Variants in COL5A2 observed in about 807,000 individuals in gnomAD.
COL5A2 encodes the protein collagen alpha-2(V) chain.
COL5A2 carries 23 observed loss-of-function variants against 208.2 expected under a neutral mutation model. The ratio of observed to expected loss-of-function variants is 0.11; its 90% confidence interval spans 0.08 to 0.16. The LOEUF is 0.16. Among genes scored for constraint, COL5A2 ranks in the 10% least tolerant of loss-of-function variants. The probability of loss-of-function intolerance (pLI) is 1.00; values close to 1 mark genes in which losing one functional copy is unlikely to be tolerated. For missense variants in COL5A2, 1,590 were observed against 1,956.4 expected (o/e 0.81, Z 3.53); for synonymous variants, 625 against 628.5 (o/e 0.99, Z 0.08).
intron 1 of COL5A2, among the ~76,000 whole-genome samples, chr2:189,116,108 G>A (rs1286268142): frequency 3.3e-5 from 5 of 152,146 alleles, no homozygotes; most frequent in South Asian, 2.1e-4. Context: ...TGAAGATCTG[G>A]GCTACCATTA....
the COL5A2 span, among the ~76,000 whole-genome samples, chr2:189,274,735 C>T: frequency 6.6e-6 from 1 of 151,782 alleles, no homozygotes; most frequent in East Asian, 1.9e-4. Context: ...ATTACCATTT[C>T]ATGCCAAAGA....
At chr2:189,128,029 T>C (rs1687642206) in intron 1 of COL5A2, among the ~76,000 whole-genome samples, 1 of 151,932 alleles carries the variant, frequency 6.6e-6, no homozygotes, top group Non-Finnish European at 1.5e-5. Flanking sequence ...GCAAGATAAA[T>C]TTTTCTGAGT....
intron 45 of COL5A2, among the ~76,000 whole-genome samples, chr2:189,047,576 CA>C (rs1438505729): frequency 1.3e-5 from 2 of 152,122 alleles, no homozygotes; most frequent in Non-Finnish European, 2.9e-5. Context: ...CTTAGGGAAA[CA>C]ATATTCCAAA....
chr2:189,290,975 CA>C, the COL5A2 span, among the ~76,000 whole-genome samples: 1 of 152,042 alleles, frequency 6.6e-6, no homozygotes, highest in African/African-American at 2.4e-5. Flanking sequence ...TTCTTGGAGA[CA>C]GGCATATATT....
rs3914568 is a variant in COL5A2, at chr2:189,212,236, C to A, written c.-42+12912G>T. Among the ~76,000 whole-genome samples the A allele has an allele frequency of 5.2e-3, 789 of 152,270 alleles. 7 individuals carry two copies. The highest frequency in any genetic ancestry group is 8.7e-3 in the South Asian group (42 of 4,826). ...ATTGCTTCCACTGCCACCTCTATAC[C>A]TTGAGATGCTACCGAGCTTACTGGA... is the stretch of plus-strand genomic sequence containing the variant. On this transcript the variant is annotated intron_variant, in intron 1 of 10. Transcript: ENST00000649966.
At chr2:189,113,670 T>C (rs1333619615) in intron 1 of COL5A2, among the ~76,000 whole-genome samples, 3 of 149,136 alleles carry the variant, frequency 2.0e-5, no homozygotes, top group Admixed American at 1.3e-4. Context: ...GAAGGAGCCA[T>C]AGAGAACAGG....
At chr2:189,419,861 TGAGAG>T in the COL5A2 span, among the ~76,000 whole-genome samples, 6 of 105,614 alleles carry the variant, frequency 5.7e-5, no homozygotes, top group South Asian at 1.7e-3. Flanking sequence ...GGAAAAGAGG[TGAGAG>T]GAGAGGAGGA....
intron 3 of COL5A2, among the ~76,000 whole-genome samples, chr2:189,101,019 G>A (rs1036305438): frequency 4.0e-5 from 6 of 151,810 alleles, no homozygotes; most frequent in African/African-American, 1.2e-4. Flanking sequence ...ATTTGTCTTC[G>A]AACAGATTTT....
chr2:189,433,147 A>G, the COL5A2 span, among the ~76,000 whole-genome samples: 1 of 152,160 alleles, frequency 6.6e-6, no homozygotes, highest in Non-Finnish European at 1.5e-5. Flanking sequence ...AACAAAGATA[A>G]AACGTACCAG....
At chr2:189,097,666 A>G (rs938665686) in intron 5 of COL5A2, 1 of 509,590 alleles carries the variant, frequency 2.0e-6, no homozygotes. Flanking sequence ...TTTGCCACTA[A>G]ACTCTGAGCA....
At chr2:189,099,106 G>A (rs995505755) in intron 4 of COL5A2, among the ~76,000 whole-genome samples, 2 of 152,212 alleles carry the variant, frequency 1.3e-5, no homozygotes, top group South Asian at 2.1e-4. Context: ...TAAAATGGTA[G>A]TGATGATTAG....
At chr2:189,054,270 C>G in intron 35 of COL5A2, 58 bp from the exon 36 acceptor site, 3 of 1,206,834 alleles carry the variant, frequency 2.5e-6, no homozygotes, top group Non-Finnish European at 3.7e-6. Flanking sequence ...AATCTTCATG[C>G]TTAGCAAATC....
At chr2:189,043,405 A>C in intron 47 of COL5A2, 147 bp from the exon 48 acceptor site, 1 of 573,934 alleles carries the variant, frequency 1.7e-6, no homozygotes, top group Non-Finnish European at 3.0e-6. Flanking sequence ...TTATCTAAAA[A>C]TAGTATTAGA....
At chr2:189,411,564 T>C in the COL5A2 span, among the ~76,000 whole-genome samples, 1 of 152,182 alleles carries the variant, frequency 6.6e-6, no homozygotes, top group Admixed American at 6.6e-5. Context: ...AATTCAGATG[T>C]CGGTAGACTT....
chr2:189,081,319 A>G (rs73978833), intron 12 of COL5A2, among the ~76,000 whole-genome samples: 10 of 152,294 alleles, frequency 6.6e-5, no homozygotes, highest in African/African-American at 2.4e-4. Context: ...TTTTCACATG[A>G]TATCACTGTG....
At chr2:189,438,750 G>C in the COL5A2 span, among the ~76,000 whole-genome samples, 7 of 152,278 alleles carry the variant, frequency 4.6e-5, no homozygotes, top group East Asian at 1.2e-3. Context: ...TGGTGGATAC[G>C]ATAATTTGTG....
chr2:189,156,100 T>C (rs1175554311), intron 1 of COL5A2, among the ~76,000 whole-genome samples: 1 of 152,196 alleles, frequency 6.6e-6, no homozygotes, highest in East Asian at 1.9e-4. Context: ...ATCTGTATTT[T>C]AAAATTAGCT....
chr2:189,426,896 A>C, the COL5A2 span, among the ~76,000 whole-genome samples: 2 of 152,246 alleles, frequency 1.3e-5, no homozygotes, highest in Admixed American at 6.5e-5. Flanking sequence ...ACTGAAACTT[A>C]TATCTAAAAG....
intron 1 of COL5A2, among the ~76,000 whole-genome samples, chr2:189,210,654 A>G (rs1329135405): frequency 1.3e-5 from 2 of 152,232 alleles, no homozygotes; most frequent in African/African-American, 4.8e-5. Flanking sequence ...CTTAATACCA[A>G]TGGAGAAAAC....
Sources: allele counts gnomAD v4.1 joint callset (sites outside exome capture counted in the v4.1 genomes callset), GRCh38; gene constraint gnomAD v4.1.1; transcripts MANE v1.5; gene names NCBI Gene and HGNC (gene_info 2026-07-23, HGNC 2026-07-21).